IL1RAPL1: variants seen among roughly 807,000 people sequenced by gnomAD.
IL1RAPL1 encodes interleukin-1 receptor accessory protein-like 1.
In IL1RAPL1, 3 loss-of-function variants were observed where a neutral mutation model predicts 48.4. That is an observed-to-expected ratio of 0.06 (90% CI 0.03 to 0.16). The LOEUF (loss-of-function observed/expected upper bound fraction) is 0.16. Among genes scored for constraint, IL1RAPL1 ranks in the 10% least tolerant of loss-of-function variants. The pLI is 1.00. For missense variants in IL1RAPL1, 349 were observed against 530.6 expected (o/e 0.66, Z 3.36); for synonymous variants, 185 against 187.7 (o/e 0.99, Z 0.12).
intron 3 of IL1RAPL1, among the ~76,000 whole-genome samples, chrX:29,296,358 A>G (rs1281176230): frequency 9.0e-6 from 1 of 111,571 alleles, no homozygotes; most frequent in Non-Finnish European, 1.9e-5. Context: ...TACACTGAAG[A>G]AGGAGGACAG....
intron 1 of IL1RAPL1, among the ~76,000 whole-genome samples, chrX:28,687,877 A>C (rs1935130839): frequency 9.0e-6 from 1 of 110,968 alleles, no homozygotes; most frequent in Non-Finnish European, 1.9e-5. Flanking sequence ...TGAGGCAGGC[A>C]GATCACCTGA....
intron 3 of IL1RAPL1, among the ~76,000 whole-genome samples, chrX:29,374,199 C>T (rs1235765388): frequency 9.6e-6 from 1 of 103,890 alleles, no homozygotes; most frequent in Admixed American, 1.1e-4. Flanking sequence ...GAAATAGTTC[C>T]AGTAAGATTG....
At chrX:29,637,261 C>A (rs912868063) in intron 5 of IL1RAPL1, among the ~76,000 whole-genome samples, 3 of 97,839 alleles carry the variant, frequency 3.1e-5, no homozygotes, top group African/African-American at 1.1e-4. Flanking sequence ...CATTATATAT[C>A]TCTTATGTTA....
intron 3 of IL1RAPL1, among the ~76,000 whole-genome samples, chrX:29,299,055 G>A (rs764756743): frequency 7.4e-5 from 8 of 108,659 alleles, no homozygotes; most frequent in Non-Finnish European, 1.3e-4. Context: ...ATATAAAGCA[G>A]GCAGAAAAAA....
At chrX:29,095,238 T>C (rs967633725) in intron 2 of IL1RAPL1, among the ~76,000 whole-genome samples, 2 of 111,363 alleles carry the variant, frequency 1.8e-5, no homozygotes, top group African/African-American at 6.5e-5. Flanking sequence ...AAAGGTGTTG[T>C]TTTTGCCTTC....
intron 2 of IL1RAPL1, among the ~76,000 whole-genome samples, chrX:28,869,064 T>C (rs749222439): frequency 8.9e-6 from 1 of 112,927 alleles, no homozygotes; most frequent in South Asian, 3.5e-4. Flanking sequence ...TATTAATTTA[T>C]GCATGCTGCA....
At chrX:28,823,442 T>A (rs1936959280) in intron 2 of IL1RAPL1, among the ~76,000 whole-genome samples, 1 of 111,469 alleles carries the variant, frequency 9.0e-6, no homozygotes, top group Non-Finnish European at 1.9e-5. Context: ...CCGATTTTTC[T>A]GATAGCTCCT....
intron 3 of IL1RAPL1, among the ~76,000 whole-genome samples, chrX:29,298,483 C>G (rs763117336): frequency 2.1e-4 from 24 of 111,919 alleles, no homozygotes; most frequent in Non-Finnish European, 3.8e-4. Flanking sequence ...TCCAGAACCT[C>G]AACTTTCACA....
At chrX:28,700,330 TATAATA>T (rs1462149353) in intron 1 of IL1RAPL1, among the ~76,000 whole-genome samples, 1 of 111,032 alleles carries the variant, frequency 9.0e-6, no homozygotes, top group Non-Finnish European at 1.9e-5. Flanking sequence ...CTTAAAGTAA[TATAATA>T]ATGATAATTG....
intron 2 of IL1RAPL1, among the ~76,000 whole-genome samples, chrX:29,107,020 TC>T (rs1196769002): frequency 3.6e-5 from 4 of 112,097 alleles, no homozygotes; most frequent in African/African-American, 9.7e-5. Flanking sequence ...CTTTTTCTAT[TC>T]TTGAGCAAAA....
intron 3 of IL1RAPL1, among the ~76,000 whole-genome samples, chrX:29,289,295 G>A (rs1211003567): frequency 8.9e-6 from 1 of 112,184 alleles, no homozygotes. Context: ...GTTTTATGGG[G>A]TTGGATGTCC....
At chrX:29,362,382 A>G (rs1933389009) in intron 3 of IL1RAPL1, among the ~76,000 whole-genome samples, 1 of 112,214 alleles carries the variant, frequency 8.9e-6, no homozygotes, top group African/African-American at 3.2e-5. Context: ...CAACACCTTC[A>G]TAGTTACTGT....
At chrX:29,379,606 G>A (rs1327140130) in intron 3 of IL1RAPL1, among the ~76,000 whole-genome samples, 1 of 111,642 alleles carries the variant, frequency 9.0e-6, no homozygotes, top group Non-Finnish European at 1.9e-5. Flanking sequence ...GTGAGAGTGG[G>A]CAGTCCCACA....
At chrX:28,649,086 G>A (rs1470276011) in intron 1 of IL1RAPL1, among the ~76,000 whole-genome samples, 1 of 111,819 alleles carries the variant, frequency 8.9e-6, no homozygotes, top group Non-Finnish European at 1.9e-5. Context: ...CCATTTCCTG[G>A]CACAAACATT....
At chrX:28,692,135 G>A (rs1464918900) in intron 1 of IL1RAPL1, among the ~76,000 whole-genome samples, 3 of 110,771 alleles carry the variant, frequency 2.7e-5, no homozygotes, top group Non-Finnish European at 5.7e-5. Flanking sequence ...TCTCACCCAA[G>A]AGCCAATCCA....
At chrX:29,517,689 AATT>A (rs781095012) in intron 5 of IL1RAPL1, among the ~76,000 whole-genome samples, 1 of 112,364 alleles carries the variant, frequency 8.9e-6, no homozygotes, top group African/African-American at 3.2e-5. Context: ...TTGTTTTACT[AATT>A]ATTATATGTA....
chrX:29,689,265 T>C (rs893494491), intron 6 of IL1RAPL1, among the ~76,000 whole-genome samples: 1 of 111,656 alleles, frequency 9.0e-6, no homozygotes, highest in Non-Finnish European at 1.9e-5. Context: ...TTTTAAACTA[T>C]GGGGGCAGTC....
At chrX:29,170,997 T>TTGTTC (rs1929896593) in intron 2 of IL1RAPL1, among the ~76,000 whole-genome samples, 1 of 110,934 alleles carries the variant, frequency 9.0e-6, no homozygotes, top group Admixed American at 9.7e-5. Context: ...TTGTGGGATT[T>TTGTTC]TGTTTTGTTT....
intron 6 of IL1RAPL1, among the ~76,000 whole-genome samples, chrX:29,714,743 G>C (rs1927437207): frequency 9.0e-6 from 1 of 111,717 alleles, no homozygotes; most frequent in Non-Finnish European, 1.9e-5. Flanking sequence ...AAATGGAAGA[G>C]TTGCCATTGA....
Sources: gnomAD v4.1 joint callset for allele counts (sites outside exome capture counted in the v4.1 genomes callset) on GRCh38, gnomAD v4.1.1 for gene constraint, MANE v1.5 for transcripts, NCBI Gene and HGNC (gene_info 2026-07-23, HGNC 2026-07-21) for gene names.